The following SLC12A5 variants were observed in gnomAD, a reference collection of about 807,000 sequenced individuals.
SLC12A5 encodes the protein K-Cl cotransporter 2.
In SLC12A5, 18 loss-of-function variants were observed where a neutral mutation model predicts 124.0. The observed-to-expected ratio is 0.15, with a 90% CI of 0.10 to 0.22. The LOEUF (loss-of-function observed/expected upper bound fraction) is 0.22, where lower values mean the gene tolerates loss of function less well. Among genes scored for constraint, SLC12A5 ranks in the 10% least tolerant of loss-of-function variants. The pLI, the probability that SLC12A5 is intolerant of heterozygous loss-of-function variation, is 1.00. For missense variants in SLC12A5, 867 were observed against 1,478.7 expected, an observed-to-expected ratio of 0.59 and a Z score of 6.78; for synonymous variants, 589 against 568.0, an observed-to-expected ratio of 1.04 and a Z score of -0.53.
upstream of SLC12A5, among the ~76,000 whole-genome samples, chr20:46,025,011 G>T (rs942238927): frequency 2.6e-5 from 4 of 152,170 alleles, no homozygotes; most frequent in Non-Finnish European, 5.9e-5. Flanking sequence ...CTGGGAGGAT[G>T]GAGCAAGACC....
intron 14 of SLC12A5, 77 bp from the exon 15 acceptor site, chr20:46,047,377 C>T: frequency 1.3e-6 from 2 of 1,575,170 alleles, no homozygotes; most frequent in Non-Finnish European, 1.7e-6. Flanking sequence ...TGCCCCATCT[C>T]CCTCTTGCTT....
rs529392936 is a variant in SLC12A5 at position 46,059,422 on chromosome 20, A to G, written c.*1817A>G. 3 of 396,992 alleles carry G rather than the reference A, an allele frequency of 7.6e-6. No individual in the cohort carries two copies. The highest frequency in any genetic ancestry group is 1.3e-5 in the Non-Finnish European group (3 of 225,400). 24.6% of individuals were successfully genotyped at this position (396,992 alleles called of 1,614,324 possible). A position where few individuals can be genotyped will look rare whatever the true frequency, so the allele number is the denominator to read the frequency against. ...AGATTCTTTCAGGTACTCAATCAGG[A>G]AGCTGGAGGTGTTAGACACCAGCCC... On this transcript the variant is annotated 3_prime_UTR_variant, in exon 26 of 26. Transcript: ENST00000243964.
Position 46,040,444 on chromosome 20 carries a change from C to T in SLC12A5, c.684C>T (p.Asn228=). ...GTGGGGAGGCAGCAGCCATGCTGAA[C>T]AACATGCGTGTTTACGGCACCTGTG... ...DASGEAAAML[N]NMRVYGTCVL... is the part of the protein sequence containing the mutation. Residue 228 remains asparagine (N), a synonymous_variant, in exon 7 of 26, where the codon AAC becomes AAT. Coordinates refer to ENST00000243964, the MANE Select transcript of SLC12A5 (RefSeq NM_020708.5). The T allele has an allele frequency of 6.2e-7, 1 of 1,614,254 alleles. No homozygotes were observed. Among genetic ancestry groups the T allele is most frequent in the Non-Finnish European group, 8.5e-7 (1 of 1,180,052 alleles).
At chr20:46,049,102 C>T (rs1181723511) in intron 16 of SLC12A5, among the ~76,000 whole-genome samples, 1 of 152,098 alleles carries the variant, frequency 6.6e-6, no homozygotes, top group African/African-American at 2.4e-5. Context: ...GCTCCCAGAA[C>T]CTGGGGCTCT....
intron 9 of SLC12A5, 75 bp from the exon 10 acceptor site, chr20:46,043,558 G>A (rs537722154): frequency 6.8e-7 from 1 of 1,470,386 alleles, no homozygotes; most frequent in Non-Finnish European, 9.5e-7. Context: ...GACCCTGAGG[G>A]TGGTGCCCTT....
At chr20:46,051,639 C>A in intron 17 of SLC12A5, 36 bp from the exon 18 acceptor site, 1 of 1,577,148 alleles carries the variant, frequency 6.3e-7, no homozygotes, top group Non-Finnish European at 8.6e-7. Context: ...GCCAGGGAGG[C>A]CTGAGGCTGG....
chr20:46,040,088 G>A (rs1365128275), intron 6 of SLC12A5, among the ~76,000 whole-genome samples: 1 of 152,120 alleles, frequency 6.6e-6, no homozygotes, highest in African/African-American at 2.4e-5. Flanking sequence ...GGCTGGTATT[G>A]AAATCCTGGC....
downstream of SLC12A5, among the ~76,000 whole-genome samples, chr20:46,023,891 C>T (rs2084375976): frequency 6.6e-6 from 1 of 152,142 alleles, no homozygotes; most frequent in South Asian, 2.1e-4. Flanking sequence ...GTGTAATGCT[C>T]ATAAGATGAG....
chr20:46,038,250 G>A (rs1169874497), intron 6 of SLC12A5: 1 of 152,012 alleles, frequency 6.6e-6, no homozygotes, highest in East Asian at 1.9e-4. Flanking sequence ...CCAGGCTGGA[G>A]GGCAGTGGTG....
Position 46,051,884 on chromosome 20 carries a change from G to A in SLC12A5, c.2377+14G>A, listed in dbSNP as rs1265288221. On this transcript the variant is annotated intron_variant, in intron 18 of 25. Coordinates refer to ENST00000243964, the MANE Select transcript of SLC12A5 (RefSeq NM_020708.5). ...GGAACTTCATTGGTAACGCTATTGG[G>A]GGCTGGGGACAGAAGAGGGGTGGGG... 1.9e-6 allele frequency: 3 copies of A among 1,544,658 alleles called. No individual in the cohort carries two copies. In the South Asian group the frequency reaches 3.5e-5, roughly 18 times the overall value.
At chr20:46,041,165 A>AG in intron 7 of SLC12A5, 164 bp from the exon 8 acceptor site, 3 of 568,172 alleles carry the variant, frequency 5.3e-6, no homozygotes, top group Non-Finnish European at 9.0e-6. Context: ...GAGCTTAAGA[A>AG]AAAAAAAAAA....
At position 46,044,776 on chromosome 20, in the gene SLC12A5, A is replaced by G. The variant is rs113241207; in HGVS notation, c.1395-190A>G. On this transcript the variant is annotated intron_variant, in intron 11 of 25. Coordinates refer to ENST00000243964, the MANE Select transcript of SLC12A5 (RefSeq NM_020708.5). The stretch of plus-strand genomic sequence containing the variant: ...CAGGCCTAGAGGCCTGGTTTTCAGT[A>G]TCAGGAAATTAGAGAATTATTTTAT... 1.2e-4 allele frequency: 81 copies of G among 652,800 alleles called. 4 individuals carry two copies. Among genetic ancestry groups the G allele is most frequent in the African/African-American group, 1.1e-3 (62 of 54,566 alleles). The allele number at this position is 652,800 out of a possible 1,614,324, so 40.4% of individuals were successfully genotyped here.
intron 1 of SLC12A5, chr20:46,021,912 G>T: frequency 1.3e-6 from 2 of 1,497,868 alleles, no homozygotes. Flanking sequence ...GGCGGGGCCT[G>T]CCAGGGCCGG....
In SLC12A5 at chr20:46,051,882, G is replaced by A; in HGVS notation, c.2377+12G>A. On this transcript the variant is annotated intron_variant, in intron 18 of 25. Transcript: ENST00000243964. ...GAGGAACTTCATTGGTAACGCTATT[G>A]GGGGCTGGGGACAGAAGAGGGGTGG... 6.5e-7 allele frequency: 1 copy of A among 1,545,802 alleles called. No homozygotes were observed. The highest frequency in any genetic ancestry group is 2.4e-5 in the East Asian group (1 of 41,506).
At chr20:46,029,167 T>G, upstream of SLC12A5, 4 of 1,400,972 alleles carry the variant, frequency 2.9e-6, no homozygotes, top group Non-Finnish European at 2.8e-6. Context: ...CGCGCGCGGG[T>G]GTGAGCGTGT....
At chr20:46,032,881 G>A (rs2145479362) in intron 1 of SLC12A5, among the ~76,000 whole-genome samples, 1 of 152,352 alleles carries the variant, frequency 6.6e-6, no homozygotes, top group South Asian at 2.1e-4. Flanking sequence ...AGACCCTGGG[G>A]TCCAGAAGGG....
intron 1 of SLC12A5, chr20:46,021,939 G>T: frequency 6.9e-7 from 1 of 1,448,832 alleles, no homozygotes; most frequent in Non-Finnish European, 9.0e-7. Context: ...CGAGGGGGAG[G>T]GGCCGGGGCG....
Position 46,059,276 on chromosome 20 carries a change from T to C in SLC12A5, c.*1671T>C, listed in dbSNP as rs2084728958. The C allele has an allele frequency of 2.3e-5, 7 of 307,658 alleles. No homozygotes were observed. The highest frequency in any genetic ancestry group is 3.2e-4 in the South Asian group (2 of 6,206). The allele number at this position is 307,658 out of a possible 1,614,324, so 19.1% of individuals were successfully genotyped here. The stretch of plus-strand genomic sequence containing the variant: ...ATCCGGACCTCACCACCTCTTTTCC[T>C]TTGAGCCCAAGGCAGAGCTGGAGCT... On this transcript the variant is annotated 3_prime_UTR_variant, in exon 26 of 26. Transcript: ENST00000243964.
In SLC12A5 at chr20:46,035,566, A is replaced by G. The variant is rs193007269; in HGVS notation, c.279+31A>G. ...GACCTCGGGGGATGAGAAATGGAAG[A>G]AAAGGGACGGATGGGGGGTGGGGGA... is the stretch of plus-strand genomic sequence containing the variant. On this transcript the variant is annotated intron_variant, in intron 3 of 25. Transcript: ENST00000243964. The G allele has an allele frequency of 1.3e-4, 211 of 1,589,048 alleles. 1 individual carries two copies. In the African/African-American group the frequency reaches 2.5e-3, roughly 19 times the overall value.
Sources: gnomAD v4.1 joint callset for allele counts (sites outside exome capture counted in the v4.1 genomes callset) on GRCh38, gnomAD v4.1.1 for gene constraint, MANE v1.5 for transcripts, NCBI Gene and HGNC (gene_info 2026-07-23, HGNC 2026-07-21) for gene names.